PTPDC1: variants seen among roughly 807,000 people sequenced by gnomAD.
PTPDC1 encodes the protein protein tyrosine phosphatase domain-containing protein 1.
PTPDC1 carries 53 observed loss-of-function variants against 75.3 expected under a neutral mutation model. That is an observed-to-expected ratio of 0.70 (90% CI 0.56 to 0.88). The LOEUF is 0.88. Ranked by LOEUF, PTPDC1 falls within the 40% of genes least tolerant of loss-of-function variation. The pLI is 0.00. For synonymous variants in PTPDC1, 349 were observed against 366.2 expected, an observed-to-expected ratio of 0.95 and a Z score of 0.54; for missense variants, 925 against 998.6, an observed-to-expected ratio of 0.93 and a Z score of 0.99.
intron 1 of PTPDC1, among the ~76,000 whole-genome samples, chr9:94,031,320 GC>G (rs1354900053): frequency 6.6e-6 from 1 of 152,156 alleles, no homozygotes; most frequent in African/African-American, 2.4e-5. Flanking sequence ...GCTGGGAGAT[GC>G]TGGGAGAACC....
chr9:94,038,161 C>T (rs1303269666), intron 1 of PTPDC1: 5 of 650,528 alleles, frequency 7.7e-6, no homozygotes, highest in East Asian at 5.8e-5. Context: ...CAGGTCAGGC[C>T]GTTGGATTCT....
Position 94,098,139 on chromosome 9 carries a change from G to C in PTPDC1, c.1573G>C (p.Gly525Arg). ...AGGCCTGGAAGGACTCAAAGATAAT[G>C]GGTCACCAATTTTCCATGGAAGGAT... ...FGGLEGLKDN[G>R]SPIFHGRIIP... The change falls in exon 6 of 9, where the codon GGG becomes CGG. Residue 525 changes from glycine (G) to arginine (R), a missense_variant. Coordinates refer to ENST00000620992, the MANE Select transcript of PTPDC1 (RefSeq NM_001253829.2). 1 of 1,614,176 alleles carries C rather than the reference G, an allele frequency of 6.2e-7. No individual in the cohort carries two copies.
At chr9:94,096,517 T>C (rs1827573415) in intron 5 of PTPDC1, among the ~76,000 whole-genome samples, 1 of 152,206 alleles carries the variant, frequency 6.6e-6, no homozygotes, top group Non-Finnish European at 1.5e-5. Context: ...CCTTTTACTT[T>C]AATATTAATT....
At chr9:94,084,972 A>T (rs1444866181) in intron 1 of PTPDC1, among the ~76,000 whole-genome samples, 198 bp downstream of exon 1, 1 of 152,226 alleles carries the variant, frequency 6.6e-6, no homozygotes. Flanking sequence ...TTAAAAATAT[A>T]GGTTTGAACA....
In PTPDC1 at chr9:94,098,179, C is replaced by A; in HGVS notation, c.1613C>A (p.Ala538Glu). ...IFHGRIIPKEAQQSGAFSADV... is the reference protein window; with the variant it reads ...IFHGRIIPKEEQQSGAFSADV... ...CATGGAAGGATCATTCCAAAGGAAGCACAGCAGAGTGGAGCTTTCTCTGCA... is the reference window on the plus strand; with the variant it reads ...CATGGAAGGATCATTCCAAAGGAAGAACAGCAGAGTGGAGCTTTCTCTGCA... Residue 538 changes from alanine to glutamate, a missense_variant, in exon 6 of 9, where the codon GCA (alanine) becomes GAA (glutamate). Coordinates refer to ENST00000620992, the MANE Select transcript of PTPDC1 (RefSeq NM_001253829.2). The A allele has an allele frequency of 6.2e-7, 1 of 1,614,212 alleles. No individual in the cohort carries two copies. Among genetic ancestry groups the A allele is most frequent in the Non-Finnish European group, 8.5e-7 (1 of 1,180,044 alleles).
intron 1 of PTPDC1, among the ~76,000 whole-genome samples, chr9:94,035,376 A>G (rs79019216): frequency 0.025 from 3,790 of 152,228 alleles, 153 homozygotes; most frequent in African/African-American, 0.087. Context: ...CTCTGCTTCT[A>G]TGAGTTCAGG....
chr9:94,073,008 TG>T (rs1826565283), intron 2 of PTPDC1, among the ~76,000 whole-genome samples: 1 of 152,186 alleles, frequency 6.6e-6, no homozygotes, highest in African/African-American at 2.4e-5. Context: ...TATCTGCTTT[TG>T]GTATCAGGGT....
At chr9:94,089,238 C>T (rs1320389918) in intron 4 of PTPDC1, among the ~76,000 whole-genome samples, 2 of 123,886 alleles carry the variant, frequency 1.6e-5, no homozygotes, top group Non-Finnish European at 3.3e-5. Flanking sequence ...CCTCCCCCCA[C>T]CCCACAACAG....
At chr9:94,081,146 C>T (rs541901509), upstream of PTPDC1, among the ~76,000 whole-genome samples, 4 of 152,100 alleles carry the variant, frequency 2.6e-5, no homozygotes, top group Non-Finnish European at 5.9e-5. Flanking sequence ...TGCGCCACTA[C>T]ACCCAGCCCA....
At chr9:94,078,136 A>G (rs572703167) in intron 2 of PTPDC1, among the ~76,000 whole-genome samples, 3 of 152,320 alleles carry the variant, frequency 2.0e-5, no homozygotes, top group South Asian at 4.1e-4. Flanking sequence ...ATGGATTCAC[A>G]TTAGTCTTGG....
At chr9:94,064,911 C>G in intron 2 of PTPDC1, 1 of 910,536 alleles carries the variant, frequency 1.1e-6, no homozygotes, top group Non-Finnish European at 1.7e-6. Context: ...AGAAAAGGCT[C>G]TCTTCTTCAT....
At chr9:94,038,152 A>G in intron 1 of PTPDC1, 1 of 631,278 alleles carries the variant, frequency 1.6e-6, no homozygotes, top group Non-Finnish European at 2.9e-6. Flanking sequence ...GGCAGAAGAC[A>G]GGTCAGGCCG....
intron 8 of PTPDC1, among the ~76,000 whole-genome samples, chr9:94,105,441 G>T (rs1827980233): frequency 6.6e-6 from 1 of 152,184 alleles, no homozygotes; most frequent in Admixed American, 6.5e-5. Flanking sequence ...AGGCTGAGAT[G>T]GGTGGATCAT....
In PTPDC1 at chr9:94,101,582, G is replaced by C. The variant is rs562871556; in HGVS notation, c.2030G>C (p.Arg677Pro). 6.2e-7 allele frequency: 1 copy of C among 1,612,310 alleles called. No homozygotes were observed. Among genetic ancestry groups the C allele is most frequent in the South Asian group, 1.1e-5 (1 of 90,808 alleles). Reference sequence around the variant, plus strand: ...CCTTTTTAGAAAGAGCTTAATTCCCGAGATGGAGCTTGGGAAAGAATATGT... The same window carrying C: ...CCTTTTTAGAAAGAGCTTAATTCCCCAGATGGAGCTTGGGAAAGAATATGT... Reference protein sequence around the residue: ...VEMWQKELNSRDGAWERICGE... With the variant: ...VEMWQKELNSPDGAWERICGE... The change falls in exon 7 of 9, where the codon CGA (arginine) becomes CCA (proline). Residue 677 changes from arginine (R) to proline (P), a missense_variant. Coordinates refer to ENST00000620992, the MANE Select transcript of PTPDC1 (RefSeq NM_001253829.2).
intron 2 of PTPDC1, among the ~76,000 whole-genome samples, chr9:94,078,162 TC>T (rs1421440168): frequency 6.6e-6 from 1 of 152,216 alleles, no homozygotes; most frequent in Non-Finnish European, 1.5e-5. Flanking sequence ...TTGCTTTTAA[TC>T]TGAAGAACCT....
At chr9:94,105,026 T>TG (rs1341650613) in intron 8 of PTPDC1, among the ~76,000 whole-genome samples, 7 of 152,366 alleles carry the variant, frequency 4.6e-5, no homozygotes, top group Admixed American at 4.6e-4. Flanking sequence ...GATATGAAAG[T>TG]GTCATTAAAC....
chr9:94,076,990 A>G (rs1313010251), intron 2 of PTPDC1, among the ~76,000 whole-genome samples: 1 of 152,192 alleles, frequency 6.6e-6, no homozygotes, highest in Non-Finnish European at 1.5e-5. Flanking sequence ...TTTTGGAGAA[A>G]TGCCCACTCA....
intron 4 of PTPDC1, among the ~76,000 whole-genome samples, chr9:94,094,199 C>T (rs1258083314): frequency 6.6e-6 from 1 of 152,028 alleles, no homozygotes; most frequent in East Asian, 1.9e-4. Flanking sequence ...GTTTTTTCCC[C>T]ATCTTTGTGG....
chr9:94,096,854 A>C (rs1325838658), intron 5 of PTPDC1, among the ~76,000 whole-genome samples: 2 of 152,218 alleles, frequency 1.3e-5, no homozygotes, highest in African/African-American at 4.8e-5. Flanking sequence ...AGTTGATGGC[A>C]AAGATAGCAG....
Sources: gnomAD v4.1 joint callset for allele counts (sites outside exome capture counted in the v4.1 genomes callset) on GRCh38, gnomAD v4.1.1 for gene constraint, MANE v1.5 for transcripts, NCBI Gene and HGNC (gene_info 2026-07-23, HGNC 2026-07-21) for gene names.